FRMPD4: variants seen among roughly 807,000 people sequenced by gnomAD.
FRMPD4 encodes the protein FERM and PDZ domain-containing protein 4.
A neutral mutation model predicts 94.1 loss-of-function variants in FRMPD4; 22 were observed. The observed-to-expected ratio is 0.23, with a 90% confidence interval of 0.17 to 0.33. FRMPD4 has a LOEUF of 0.33. FRMPD4 is among the 10% of genes least tolerant of loss of function. FRMPD4 has a pLI of 1.00. For synonymous variants in FRMPD4, 631 were observed against 548.6 expected, an observed-to-expected ratio of 1.15 and a Z score of -2.10; for missense variants, 1,111 against 1,339.9, an observed-to-expected ratio of 0.83 and a Z score of 2.67.
chrX:12,082,028 A>G (rs762973667), intron 3 of FRMPD4, among the ~76,000 whole-genome samples: 1 of 112,282 alleles, frequency 8.9e-6, no homozygotes, highest in African/African-American at 3.2e-5. Flanking sequence ...AAAATGAGAT[A>G]TTTACCCAAA....
Position 12,243,229 on chromosome X carries a change from C to T in FRMPD4, c.41+104217C>T, listed in dbSNP as rs140692997. ...TCGTCATTCCCACCTCGTGTTTTAA[C>T]ATGAGATTTTATAGCTTTCCTATCT... On this transcript the variant is annotated intron_variant, in intron 1 of 16. Coordinates refer to ENST00000675598, the MANE Select transcript of FRMPD4 (RefSeq NM_001368397.1). 3.7e-4 allele frequency among the ~76,000 whole-genome samples: 42 copies of T among 112,297 alleles called. No homozygotes were observed. The East Asian group carries it at 0.01, about 28-fold the overall frequency.
At chrX:12,425,398 A>AGAGCTCT (rs1380270036) in intron 1 of FRMPD4, among the ~76,000 whole-genome samples, 1 of 112,213 alleles carries the variant, frequency 8.9e-6, no homozygotes, top group Non-Finnish European at 1.9e-5. Flanking sequence ...TGTTTTTCCT[A>AGAGCTCT]GAGCTCTGGG....
At chrX:12,474,537 C>G (rs888232982) in intron 1 of FRMPD4, among the ~76,000 whole-genome samples, 1 of 110,712 alleles carries the variant, frequency 9.0e-6, no homozygotes, top group African/African-American at 3.3e-5. Context: ...TTTTTTGAAA[C>G]GATCAACAAA....
intron 2 of FRMPD4, among the ~76,000 whole-genome samples, chrX:12,544,427 C>A (rs1318627609): frequency 3.6e-5 from 4 of 111,369 alleles, no homozygotes; most frequent in Non-Finnish European, 5.7e-5. Context: ...CATATACAAC[C>A]CCAAGTTTGT....
At chrX:12,541,430 TA>T (rs2058410501) in intron 2 of FRMPD4, among the ~76,000 whole-genome samples, 2 of 111,455 alleles carry the variant, frequency 1.8e-5, no homozygotes, top group Non-Finnish European at 3.8e-5. Flanking sequence ...CCCACAGAAA[TA>T]CAAACTACCA....
Position 12,599,038 on chromosome X carries a change from G to A in FRMPD4, c.159-10683G>A, listed in dbSNP as rs184259057. On this transcript the variant is annotated intron_variant, in intron 2 of 16. Coordinates refer to ENST00000675598, the MANE Select transcript of FRMPD4 (RefSeq NM_001368397.1). ...TGTAGTTTATATTTACCAAAACCATGGGGTTCTTTTCACTTTCCGAGTATA... is the reference window on the plus strand; with the variant it reads ...TGTAGTTTATATTTACCAAAACCATAGGGTTCTTTTCACTTTCCGAGTATA... Among the ~76,000 whole-genome samples the A allele has an allele frequency of 9.0e-5, 10 of 111,502 alleles. No homozygotes were observed. The East Asian group carries it at 2.5e-3, about 28-fold the overall frequency.
At position 12,227,769 on chromosome X, in the gene FRMPD4, C is replaced by G. The variant is rs751862508; in HGVS notation, c.41+88757C>G. On this transcript the variant is annotated intron_variant, in intron 1 of 16. Transcript: ENST00000675598. ...TGAGCTATGATTACACTACTGCACT[C>G]CAGCCTGGATGACAGAGTGAGACCC... is the stretch of plus-strand genomic sequence containing the variant. Among the ~76,000 whole-genome samples, 4 of 109,145 alleles carry G rather than the reference C, an allele frequency of 3.7e-5. No individual in the cohort carries two copies. The East Asian group carries it at 1.2e-3, about 31-fold the overall frequency. The allele number at this position is 109,145 out of a possible 115,157, so 94.8% of individuals were successfully genotyped here.
intron 1 of FRMPD4, among the ~76,000 whole-genome samples, chrX:12,400,990 G>C (rs2056602241): frequency 8.9e-6 from 1 of 112,148 alleles, no homozygotes; most frequent in African/African-American, 3.2e-5. Flanking sequence ...ACTTAAGCCA[G>C]ATCTTAGCTG....
At chrX:12,580,731 T>C (rs1287883533) in intron 2 of FRMPD4, among the ~76,000 whole-genome samples, 1 of 111,464 alleles carries the variant, frequency 9.0e-6, no homozygotes, top group Non-Finnish European at 1.9e-5. Context: ...ATCACCTGCC[T>C]CTGATGCTCC....
At chrX:12,680,691 C>A (rs1340683547) in intron 5 of FRMPD4, among the ~76,000 whole-genome samples, 1 of 112,079 alleles carries the variant, frequency 8.9e-6, no homozygotes, top group African/African-American at 3.2e-5. Context: ...TACTTAACAA[C>A]CTTGGCTATT....
chrX:12,007,434 C>A (rs372975103), intron 3 of FRMPD4, among the ~76,000 whole-genome samples: 2 of 111,990 alleles, frequency 1.8e-5, no homozygotes, highest in African/African-American at 6.5e-5. Flanking sequence ...AGAATAATAG[C>A]ATCTCTTTTT....
At chrX:12,416,795 T>G (rs1601918225) in intron 1 of FRMPD4, among the ~76,000 whole-genome samples, 2 of 111,748 alleles carry the variant, frequency 1.8e-5, no homozygotes, top group African/African-American at 6.5e-5. Flanking sequence ...GCTTCCTCTG[T>G]GTCTTTGTCT....
At chrX:12,349,446 G>C (rs2055767140) in intron 1 of FRMPD4, among the ~76,000 whole-genome samples, 1 of 110,320 alleles carries the variant, frequency 9.1e-6, no homozygotes, top group African/African-American at 3.3e-5. Flanking sequence ...ACTAAGCCTA[G>C]TCTTGAGTAG....
chrX:12,475,569 A>C (rs1465105457), intron 1 of FRMPD4, among the ~76,000 whole-genome samples: 1 of 112,025 alleles, frequency 8.9e-6, no homozygotes, highest in Non-Finnish European at 1.9e-5. Context: ...AAACCCCATC[A>C]TCTCAGTCCA....
At chrX:12,426,851 C>CT (rs57923805) in intron 1 of FRMPD4, among the ~76,000 whole-genome samples, 1,604 of 102,278 alleles carry the variant, frequency 0.016, 40 homozygotes, top group African/African-American at 0.055. Flanking sequence ...CATCTGATCT[C>CT]TATTTTTTGA....
At chrX:12,209,111 T>C (rs1462568264) in intron 1 of FRMPD4, among the ~76,000 whole-genome samples, 6 of 112,138 alleles carry the variant, frequency 5.4e-5, no homozygotes, top group Non-Finnish European at 1.9e-5. Flanking sequence ...ATCATTTTTT[T>C]CAGTCCTCTT....
chrX:11,831,462 G>A (rs1345474939), intron 1 of FRMPD4, among the ~76,000 whole-genome samples: 1 of 111,466 alleles, frequency 9.0e-6, no homozygotes, highest in Non-Finnish European at 1.9e-5. Flanking sequence ...CATGAACAGG[G>A]GAGTGAACAA....
chrX:12,346,611 C>G (rs1193355609), intron 1 of FRMPD4, among the ~76,000 whole-genome samples: 1 of 111,587 alleles, frequency 9.0e-6, no homozygotes, highest in African/African-American at 3.3e-5. Flanking sequence ...ACATACGCCA[C>G]TGCTTTTAGC....
rs1163513050 is a variant in FRMPD4 at position 12,670,207 on chromosome X, TC to T, written c.423-4653del. On this transcript the variant is annotated intron_variant, in intron 4 of 16. Coordinates refer to ENST00000675598, the MANE Select transcript of FRMPD4 (RefSeq NM_001368397.1). The stretch of plus-strand genomic sequence containing the variant: ...CTTACAGTTTTTTGTCTGACAATTA[TC>T]CCTCATTCTCTTGTTTACTGTTTTA... 2.7e-5 allele frequency among the ~76,000 whole-genome samples: 3 copies of T among 112,396 alleles called. No homozygotes were observed. The East Asian group carries it at 8.3e-4, about 31-fold the overall frequency.
Sources: gnomAD v4.1 joint callset for allele counts (sites outside exome capture counted in the v4.1 genomes callset) on GRCh38, gnomAD v4.1.1 for gene constraint, MANE v1.5 for transcripts, NCBI Gene and HGNC (gene_info 2026-07-23, HGNC 2026-07-21) for gene names.